ELP3: variants seen among roughly 807,000 people sequenced by gnomAD.
The protein encoded by ELP3 is elongator acetyltransferase complex subunit 3.
ELP3 carries 56 observed loss-of-function variants against 74.9 expected under a neutral mutation model. The ratio of observed to expected loss-of-function variants is 0.75; its 90% CI spans 0.60 to 0.93. ELP3 has a LOEUF of 0.93. ELP3 is among the 40% of genes least tolerant of loss of function. The probability of loss-of-function intolerance (pLI) is 0.00; values close to 1 mark genes in which losing one functional copy is unlikely to be tolerated. For synonymous variants in ELP3, 222 were observed against 239.8 expected (o/e 0.93, Z 0.68); for missense variants, 573 against 686.5 (o/e 0.83, Z 1.85).
chr8:28,142,631 C>T (rs527701191), intron 10 of ELP3, among the ~76,000 whole-genome samples: 3 of 152,198 alleles, frequency 2.0e-5, no homozygotes, highest in Non-Finnish European at 4.4e-5. Flanking sequence ...GACTCAGTTC[C>T]TAACACAGTA....
intron 1 of ELP3, among the ~76,000 whole-genome samples, chr8:28,096,730 A>G (rs191427185): frequency 9.8e-5 from 15 of 152,344 alleles, no homozygotes; most frequent in East Asian, 5.8e-4. Flanking sequence ...TTGAGTTTCA[A>G]CTTTACTCCT....
At chr8:28,114,472 G>A (rs1449389951) in intron 7 of ELP3, among the ~76,000 whole-genome samples, 1 of 152,158 alleles carries the variant, frequency 6.6e-6, no homozygotes, top group Non-Finnish European at 1.5e-5. Flanking sequence ...ATGGTGGAAG[G>A]TGAAGGGGAG....
intron 14 of ELP3, among the ~76,000 whole-genome samples, chr8:28,189,443 GTCT>G (rs1417162967): frequency 9.2e-5 from 14 of 152,322 alleles, no homozygotes; most frequent in South Asian, 8.3e-4. Context: ...CAGGGAAAGA[GTCT>G]TCTTCTCTCC....
In ELP3 at chr8:28,097,252, C is replaced by G; in HGVS notation, c.53C>G (p.Thr18Ser). 1 of 1,613,846 alleles carries G rather than the reference C, an allele frequency of 6.2e-7. No individual in the cohort carries two copies. The highest frequency in any genetic ancestry group is 8.5e-7 in the Non-Finnish European group (1 of 1,179,888). ...DLSPAELMML[T>S]IGDVIKQLIE... ...AGCCCTGCTGAGCTGATGATGCTGA[C>G]TATAGGAGATGTTATTAAACAACTG... The change falls in exon 2 of 15, where the codon ACT (threonine) becomes AGT (serine). Residue 18 changes from threonine (T) to serine (S), a missense_variant. Physicochemically the swap from Thr to Ser is moderately conservative, Grantham distance 58 (BLOSUM62 1). Coordinates refer to ENST00000256398, the MANE Select transcript of ELP3 (RefSeq NM_018091.6).
chr8:28,114,810 A>G (rs1812061204), intron 7 of ELP3, among the ~76,000 whole-genome samples: 1 of 152,186 alleles, frequency 6.6e-6, no homozygotes, highest in African/African-American at 2.4e-5. Flanking sequence ...ATTTTATTTG[A>G]AATGCAGTAG....
intron 3 of ELP3, 108 bp downstream of exon 3, chr8:28,100,074 C>A: frequency 7.2e-7 from 1 of 1,383,144 alleles, no homozygotes; most frequent in Non-Finnish European, 1.0e-6. Flanking sequence ...GGATTCTGAA[C>A]TAATGAAGTC....
At chr8:28,096,545 G>A (rs907247550) in intron 1 of ELP3, among the ~76,000 whole-genome samples, 5 of 152,188 alleles carry the variant, frequency 3.3e-5, no homozygotes, top group African/African-American at 1.2e-4. Flanking sequence ...TTAGAGATAT[G>A]CCCATCCTTG....
At position 28,136,647 on chromosome 8, in the gene ELP3, G is replaced by A. The variant is rs114787807; in HGVS notation, c.907-1051G>A. On this transcript the variant is annotated intron_variant, in intron 9 of 14. Transcript: ENST00000256398. ...ACAGATGTCAATGAGAGATGGAAAA[G>A]TCTATTGTTATATTTCTTTGTAAAG... Among the ~76,000 whole-genome samples, 1,170 of 152,308 alleles carry A rather than the reference G, an allele frequency of 7.7e-3. 21 individuals are homozygous for A. Among genetic ancestry groups the A allele is most frequent in the African/African-American group, 0.026 (1,087 of 41,566 alleles).
At chr8:28,100,269 A>C (rs1811423602) in intron 3 of ELP3, among the ~76,000 whole-genome samples, 2 of 152,272 alleles carry the variant, frequency 1.3e-5, no homozygotes, top group Admixed American at 1.3e-4. Context: ...AGCTTTCAAT[A>C]TAATTGATGC....
intron 7 of ELP3, 87 bp downstream of exon 7, chr8:28,113,260 G>A (rs1444054599): frequency 1.7e-5 from 16 of 947,122 alleles, no homozygotes; most frequent in Middle Eastern, 2.2e-4. Flanking sequence ...CTTCTGCCCT[G>A]CATCCACATT....
At chr8:28,107,127 A>T (rs780755636) in intron 4 of ELP3, among the ~76,000 whole-genome samples, 1 of 152,198 alleles carries the variant, frequency 6.6e-6, no homozygotes, top group African/African-American at 2.4e-5. Flanking sequence ...ATGCGCTTCT[A>T]GTCCCAGCTA....
chr8:28,189,248 G>T (rs1323263282), intron 14 of ELP3, among the ~76,000 whole-genome samples: 1 of 152,216 alleles, frequency 6.6e-6, no homozygotes, highest in Non-Finnish European at 1.5e-5. Context: ...TCTATCGTTT[G>T]GCCTCATCTG....
upstream of ELP3, chr8:28,090,423 C>G: frequency 3.3e-6 from 1 of 303,844 alleles, no homozygotes; most frequent in Non-Finnish European, 6.4e-6. Flanking sequence ...GTGTCCAAGT[C>G]TGGAACCCAG....
intron 14 of ELP3, among the ~76,000 whole-genome samples, chr8:28,168,888 A>T (rs983097783): frequency 3.3e-5 from 5 of 152,226 alleles, no homozygotes; most frequent in Admixed American, 3.3e-4. Context: ...GTATTACTGA[A>T]TAATGCTGGA....
At chr8:28,107,788 T>C in intron 4 of ELP3, 125 bp from the exon 5 acceptor site, 3 of 683,908 alleles carry the variant, frequency 4.4e-6, no homozygotes, top group Non-Finnish European at 5.1e-6. Context: ...GGTAGATTCT[T>C]CTGTTAGGAT....
At chr8:28,093,032 C>G, upstream of ELP3, 1 of 976,378 alleles carries the variant, frequency 1.0e-6, no homozygotes, top group East Asian at 2.6e-5. Flanking sequence ...CGCCTGCTAC[C>G]CTGTTAGTTG....
chr8:28,124,677 C>T lies in ELP3; in HGVS notation c.618-4825C>T, dbSNP rs150882150. Reference sequence around the variant, plus strand: ...GTTCTTTAGCTACACGAGGGGACTACAAAATGATAGTTTTTGTCAGCCATG... The same window carrying T: ...GTTCTTTAGCTACACGAGGGGACTATAAAATGATAGTTTTTGTCAGCCATG... On this transcript the variant is annotated intron_variant, in intron 7 of 14. Coordinates refer to ENST00000256398, the MANE Select transcript of ELP3 (RefSeq NM_018091.6). Among the ~76,000 whole-genome samples, 66 of 152,104 alleles carry T rather than the reference C, an allele frequency of 4.3e-4. 2 individuals are homozygous for T. The East Asian group carries it at 0.01, about 24-fold the overall frequency.
chr8:28,151,440 T>C (rs1007154960), intron 10 of ELP3, among the ~76,000 whole-genome samples: 5 of 152,254 alleles, frequency 3.3e-5, no homozygotes, highest in Non-Finnish European at 7.3e-5. Flanking sequence ...TGTCTGTTCC[T>C]TATTCTTGCT....
intron 14 of ELP3, among the ~76,000 whole-genome samples, chr8:28,174,498 A>G (rs1306637080): frequency 6.6e-6 from 1 of 152,096 alleles, no homozygotes; most frequent in Admixed American, 6.5e-5. Flanking sequence ...TTTGAATAAT[A>G]CCAAGTGAGT....
Sources: gnomAD v4.1 joint callset for allele counts (sites outside exome capture counted in the v4.1 genomes callset) on GRCh38, gnomAD v4.1.1 for gene constraint, MANE v1.5 for transcripts, NCBI Gene and HGNC (gene_info 2026-07-23, HGNC 2026-07-21) for gene names.